HIBCH: variants seen among roughly 807,000 people sequenced by gnomAD.
The protein encoded by HIBCH is 3-hydroxyisobutyryl-CoA hydrolase, mitochondrial.
HIBCH carries 50 observed loss-of-function variants against 58.2 expected under a neutral mutation model. The ratio of observed to expected loss-of-function variants is 0.86; its 90% CI spans 0.68 to 1.09. The LOEUF is 1.09. Ranked by LOEUF, HIBCH falls within the 50% of genes least tolerant of loss-of-function variation. HIBCH has a pLI of 0.00. For missense variants in HIBCH, 450 were observed against 449.7 expected (o/e 1.00, Z -0.01); for synonymous variants, 151 against 146.9 (o/e 1.03, Z -0.20).
intron 11 of HIBCH, among the ~76,000 whole-genome samples, chr2:190,233,678 C>T (rs748608286): frequency 8.5e-5 from 13 of 152,222 alleles, no homozygotes; most frequent in Non-Finnish European, 1.5e-4. Flanking sequence ...AAAGGATTTA[C>T]ATCCAGGAGG....
chr2:190,202,509 T>C (rs1372499315), downstream of HIBCH: 2 of 167,100 alleles, frequency 1.2e-5, no homozygotes, highest in Admixed American at 6.5e-5. Flanking sequence ...TATCATGGTA[T>C]GGCCTTCATG....
At chr2:190,305,595 C>A (rs1688382562) in intron 2 of HIBCH, among the ~76,000 whole-genome samples, 1 of 152,080 alleles carries the variant, frequency 6.6e-6, no homozygotes, top group African/African-American at 2.4e-5. Context: ...TTCTGAGGTA[C>A]TGGGGACTAG....
intron 9 of HIBCH, among the ~76,000 whole-genome samples, chr2:190,248,027 A>G (rs75559393): frequency 1.7e-3 from 258 of 152,300 alleles, no homozygotes; most frequent in African/African-American, 5.9e-3. Context: ...AGGCATGCCT[A>G]TATTATTCTT....
chr2:190,270,490 T>G (rs1324313073), intron 6 of HIBCH, among the ~76,000 whole-genome samples: 1 of 152,268 alleles, frequency 6.6e-6, no homozygotes, highest in East Asian at 1.9e-4. Flanking sequence ...GTGATGTGAC[T>G]GATGTTTACA....
At chr2:190,219,721 G>A (rs1286399560) in intron 11 of HIBCH, among the ~76,000 whole-genome samples, 2 of 152,154 alleles carry the variant, frequency 1.3e-5, no homozygotes, top group Admixed American at 6.5e-5. Flanking sequence ...AAGGAACCGG[G>A]GGAGGGTCCT....
At chr2:190,272,192 G>C (rs1687418346) in intron 6 of HIBCH, among the ~76,000 whole-genome samples, 1 of 152,158 alleles carries the variant, frequency 6.6e-6, no homozygotes, top group Non-Finnish European at 1.5e-5. Flanking sequence ...ATATTTGCCT[G>C]TTTGGACAGT....
At chr2:190,264,883 G>C (rs1687189002) in intron 6 of HIBCH, among the ~76,000 whole-genome samples, 1 of 152,038 alleles carries the variant, frequency 6.6e-6, no homozygotes. Context: ...AGCACTTTGG[G>C]AGGCCGAGGT....
At chr2:190,226,325 G>T (rs1193147047) in intron 11 of HIBCH, among the ~76,000 whole-genome samples, 1 of 152,186 alleles carries the variant, frequency 6.6e-6, no homozygotes, top group East Asian at 1.9e-4. Flanking sequence ...GCCAGGTGCG[G>T]TGGCTCACGC....
At chr2:190,297,007 G>A in intron 2 of HIBCH, 54 bp from the exon 3 acceptor site, 1 of 1,533,432 alleles carries the variant, frequency 6.5e-7, no homozygotes, top group African/African-American at 1.4e-5. Flanking sequence ...TTTATCACAA[G>A]CCAACATCAA....
intron 3 of HIBCH, 46 bp downstream of exon 3, chr2:190,296,767 A>T (rs1283018895): frequency 6.6e-7 from 1 of 1,513,184 alleles, no homozygotes; most frequent in Non-Finnish European, 9.2e-7. Context: ...CTATTATGAT[A>T]TACTTTGAAA....
At chr2:190,316,819 C>T (rs374218200) in intron 1 of HIBCH, among the ~76,000 whole-genome samples, 12 of 152,218 alleles carry the variant, frequency 7.9e-5, no homozygotes, top group African/African-American at 2.7e-4. Flanking sequence ...AAAGAGAAGA[C>T]AGGCAAAGAG....
At position 190,218,301 on chromosome 2, in the gene HIBCH, G is replaced by A. The variant is rs553352278; in HGVS notation, c.892-5226C>T. 2.6e-5 allele frequency among the ~76,000 whole-genome samples: 4 copies of A among 152,038 alleles called. No individual in the cohort carries two copies. The East Asian group carries it at 5.8e-4, about 22-fold the overall frequency. On this transcript the variant is annotated intron_variant, in intron 11 of 13. Coordinates refer to ENST00000359678, the MANE Select transcript of HIBCH (RefSeq NM_014362.4). ...TGAGTCATTCTTCTGAAAACCAACC[G>A]TTAAAAAATAAAATATAAGGGCCCC...
At chr2:190,259,372 TCTGACTGACATG>T (rs1559038968) in intron 7 of HIBCH, among the ~76,000 whole-genome samples, 1 of 147,024 alleles carries the variant, frequency 6.8e-6, no homozygotes, top group Admixed American at 6.7e-5. Flanking sequence ...TGTGTGTCTG[TCTGACTGACATG>T]GTCTGGCTCT....
chr2:190,316,088 G>A (rs1341560660), intron 1 of HIBCH, among the ~76,000 whole-genome samples: 4 of 152,204 alleles, frequency 2.6e-5, no homozygotes, highest in Non-Finnish European at 4.4e-5. Flanking sequence ...CTAATTGCCA[G>A]AAAGATGCCA....
In HIBCH at chr2:190,212,522, C is replaced by T. The variant is rs536794398; in HGVS notation, c.1011+434G>A. Among the ~76,000 whole-genome samples the T allele has an allele frequency of 9.2e-5, 14 of 152,156 alleles. No individual in the cohort carries two copies. In the South Asian group the frequency reaches 1.5e-3, roughly 16 times the overall value. On this transcript the variant is annotated intron_variant, in intron 12 of 13. Coordinates refer to ENST00000359678, the MANE Select transcript of HIBCH (RefSeq NM_014362.4). ...TGTTTACAATGGTACTTTAATAATG[C>T]TCATTATTTTAAACACGTAACAGAC...
At chr2:190,244,051 TCAATATGTTTC>T (rs1373140103) in intron 11 of HIBCH, among the ~76,000 whole-genome samples, 1 of 152,188 alleles carries the variant, frequency 6.6e-6, no homozygotes, top group East Asian at 1.9e-4. Flanking sequence ...AAATTTTTTC[TCAATATGTTTC>T]CTGACAACTG....
chr2:190,228,440 T>C (rs1377707993), intron 11 of HIBCH, among the ~76,000 whole-genome samples: 6 of 149,496 alleles, frequency 4.0e-5, no homozygotes, highest in Non-Finnish European at 7.4e-5. Flanking sequence ...TTAGGAGATA[T>C]ACCTAATGTA....
chr2:190,208,497 T>C (rs1419397361), intron 13 of HIBCH, among the ~76,000 whole-genome samples: 1 of 152,188 alleles, frequency 6.6e-6, no homozygotes, highest in Non-Finnish European at 1.5e-5. Flanking sequence ...TTTAAAACAA[T>C]TATCAGTTTC....
rs1690412663 is a variant in HIBCH at position 190,207,218 on chromosome 2, A to G, written c.1045+1662T>C. 6.6e-6 allele frequency among the ~76,000 whole-genome samples: 1 copy of G among 152,244 alleles called. No homozygotes were observed. The highest frequency in any genetic ancestry group is 2.4e-5 in the African/African-American group (1 of 41,470). Reference sequence around the variant, plus strand: ...TTGGTTTCAACATTTTTTCCTCAAAATAACAGTATTTATCTAAAAACAGTA... The same window carrying G: ...TTGGTTTCAACATTTTTTCCTCAAAGTAACAGTATTTATCTAAAAACAGTA... On this transcript the variant is annotated intron_variant, in intron 13 of 13. Transcript: ENST00000359678. The surrounding 1 kb of genome is among the most constrained non-coding windows in gnomAD (Gnocchi z 4.5).
Sources: gnomAD v4.1 joint callset for allele counts (sites outside exome capture counted in the v4.1 genomes callset) on GRCh38, gnomAD v4.1.1 for gene constraint, Gnocchi (gnomAD v3.1) non-coding constraint, MANE v1.5 for transcripts, NCBI Gene and HGNC (gene_info 2026-07-23, HGNC 2026-07-21) for gene names.